TLCD2: variants seen among roughly 807,000 people sequenced by gnomAD.
The protein encoded by TLCD2 is TLC domain-containing protein 2.
TLCD2 carries 12 observed loss-of-function variants against 14.0 expected under a neutral mutation model. The ratio of observed to expected loss-of-function variants is 0.86; its 90% confidence interval spans 0.55 to 1.39. TLCD2 has a LOEUF of 1.39. TLCD2 is among the 40% of genes most tolerant of loss of function. The probability of loss-of-function intolerance (pLI) is 0.00; values close to 1 mark genes in which losing one functional copy is unlikely to be tolerated. For synonymous variants in TLCD2, 166 were observed against 156.5 expected, an observed-to-expected ratio of 1.06 and a Z score of -0.45; for missense variants, 360 against 346.8, an observed-to-expected ratio of 1.04 and a Z score of -0.30.
rs1026192488 is a variant in TLCD2 at position 1,709,730 on chromosome 17, T to G, written c.259+74A>C. The G allele has an allele frequency of 1.6e-4, 195 of 1,194,882 alleles. 1 individual carries two copies. Among genetic ancestry groups the G allele is most frequent in the Non-Finnish European group, 1.5e-4 (125 of 851,924 alleles). The allele number at this position is 1,194,882 out of a possible 1,614,324, so 74.0% of individuals were successfully genotyped here. A position where few individuals can be genotyped will look rare whatever the true frequency, so the allele number is the denominator to read the frequency against. ...GTTTAACCCCCATGGGGGCGGGGAATGGACCTGGAAGGACAGCAGAACCTG... is the reference window on the plus strand; with the variant it reads ...GTTTAACCCCCATGGGGGCGGGGAAGGGACCTGGAAGGACAGCAGAACCTG... On this transcript the variant is annotated intron_variant, in intron 2 of 3. Coordinates refer to ENST00000330676, the MANE Select transcript of TLCD2 (RefSeq NM_001164407.2).
Position 1,709,512 on chromosome 17 carries a change from C to G in TLCD2, c.329G>C (p.Cys110Ser). Residue 110 changes from cysteine to serine, a missense_variant, in exon 3 of 4, where the codon TGT becomes TCT. By Grantham distance (112) the Cys-to-Ser change is moderately radical. Transcript: ENST00000330676. ...QTLGKTWDLL[C>S]HHLVVVSCLS... ...TCAGAGTCTCACCACCAAATGATGACAGAGAAGATCCCAGGTCTTGCCCAA... is the reference window on the plus strand; with the variant it reads ...TCAGAGTCTCACCACCAAATGATGAGAGAGAAGATCCCAGGTCTTGCCCAA... The G allele has an allele frequency of 6.5e-7, 1 of 1,535,988 alleles. No homozygotes were observed. Among genetic ancestry groups the G allele is most frequent in the Non-Finnish European group, 8.7e-7 (1 of 1,146,410 alleles).
At chr17:1,708,290 G>T in intron 3 of TLCD2, 68 bp from the exon 4 acceptor site, 1 of 1,290,208 alleles carries the variant, frequency 7.8e-7, no homozygotes, top group South Asian at 1.5e-5. Context: ...AATAACCCAG[G>T]CCTGAAGAAA....
In TLCD2 at chr17:1,705,725, GTTTTGTTTTT is replaced by G. The variant is rs1339040534; in HGVS notation, c.*2035_*2044del. On this transcript the variant is annotated 3_prime_UTR_variant, in exon 4 of 4. Transcript: ENST00000330676. The stretch of plus-strand genomic sequence containing the variant: ...CGCTTCTTAGCAAGGTTTTTGTTTT[GTTTTGTTTTT>G]TTTTGAAGACAATCTTCCTGTCTCT... The G allele has an allele frequency of 6.6e-6, 1 of 152,000 alleles. No individual in the cohort carries two copies. 9.4% of individuals were successfully genotyped at this position (152,000 alleles called of 1,614,324 possible). A position where few individuals can be genotyped will look rare whatever the true frequency, so the allele number is the denominator to read the frequency against.
Position 1,710,339 on chromosome 17 carries a change from G to A in TLCD2, c.-97C>T. ...GGAACCCGTTTCCCGGCAGGGCTGG[G>A]GCCCCGGCTCCCCTCCCCGCCGCGC... is the stretch of plus-strand genomic sequence containing the variant. On this transcript the variant is annotated 5_prime_UTR_variant, in exon 1 of 4. Transcript: ENST00000330676. This position sits in a 1 kb window ranked among gnomAD's most constrained non-coding sequence, Gnocchi z 6.1. The A allele has an allele frequency of 8.8e-7, 1 of 1,142,048 alleles. No homozygotes were observed. Among genetic ancestry groups the A allele is most frequent in the Non-Finnish European group, 1.2e-6 (1 of 856,028 alleles). The allele number at this position is 1,142,048 out of a possible 1,614,324, so 70.7% of individuals were successfully genotyped here.
Position 1,704,829 on chromosome 17 carries a change from C to T in TLCD2, c.*2941G>A, listed in dbSNP as rs1437473377. The T allele has an allele frequency of 7.2e-6, 1 of 138,384 alleles. No homozygotes were observed. The highest frequency in any genetic ancestry group is 8.4e-5 in the Admixed American group (1 of 11,960). The allele number at this position is 138,384 out of a possible 1,614,324, so 8.6% of individuals were successfully genotyped here. A position where few individuals can be genotyped will look rare whatever the true frequency, so the allele number is the denominator to read the frequency against. Reference sequence around the variant, plus strand: ...CAAACGATTCTCCTGCCTCAGCCTCCTCAGTAGCCGGGATTACGGGCGCCT... The same window carrying T: ...CAAACGATTCTCCTGCCTCAGCCTCTTCAGTAGCCGGGATTACGGGCGCCT... On this transcript the variant is annotated 3_prime_UTR_variant, in exon 4 of 4. Coordinates refer to ENST00000330676, the MANE Select transcript of TLCD2 (RefSeq NM_001164407.2).
intron 3 of TLCD2, among the ~76,000 whole-genome samples, 157 bp from the exon 4 acceptor site, chr17:1,708,379 C>A (rs896434770): frequency 5.9e-5 from 9 of 152,014 alleles, no homozygotes; most frequent in African/African-American, 2.2e-4. Context: ...CCCTGAGCAG[C>A]CTTGAAACAA....
chr17:1,708,549 T>C (rs1478386715), intron 3 of TLCD2, among the ~76,000 whole-genome samples: 1 of 146,124 alleles, frequency 6.8e-6, no homozygotes, highest in Non-Finnish European at 1.5e-5. Context: ...TGCAGTGGTG[T>C]GATCTTGGCT....
In TLCD2 at chr17:1,706,599, C is replaced by G. The variant is rs190918749; in HGVS notation, c.*1171G>C. 6.6e-6 allele frequency: 1 copy of G among 150,778 alleles called. No individual in the cohort carries two copies. Among genetic ancestry groups the G allele is most frequent in the East Asian group, 2.0e-4 (1 of 5,086 alleles). 9.3% of individuals were successfully genotyped at this position (150,778 alleles called of 1,614,324 possible). A position where few individuals can be genotyped will look rare whatever the true frequency, so the allele number is the denominator to read the frequency against. ...TGGGCAACATGGCAAAACCTGGTCT[C>G]TACAAAAAAATACAAAAATTAGCCT... On this transcript the variant is annotated 3_prime_UTR_variant, in exon 4 of 4. Transcript: ENST00000330676.
At position 1,705,627 on chromosome 17, in the gene TLCD2, CCTT is replaced by C. The variant is rs1914007189; in HGVS notation, c.*2140_*2142del. On this transcript the variant is annotated 3_prime_UTR_variant, in exon 4 of 4. Transcript: ENST00000330676. ...CCTCTGTCACCTCTATGTGAATAAT[CCTT>C]CTCTCTTTCTATCTATCACTCAATC... The C allele has an allele frequency of 6.6e-6, 1 of 152,254 alleles. No individual in the cohort carries two copies. The highest frequency in any genetic ancestry group is 2.1e-4 in the South Asian group (1 of 4,830). 9.4% of individuals were successfully genotyped at this position (152,254 alleles called of 1,614,324 possible).
At position 1,709,590 on chromosome 17, in the gene TLCD2, A is replaced by T. The variant is rs983203391; in HGVS notation, c.260-9T>A. 9.1e-6 allele frequency: 14 copies of T among 1,536,836 alleles called. No individual in the cohort carries two copies. The highest frequency in any genetic ancestry group is 1.2e-5 in the Non-Finnish European group (14 of 1,146,756). ...GTCTGCCAGGAAGTAACCTGTGGGC[A>T]TGGGGGTAGGGGTTAGGCTGCTCCA... On this transcript the variant is annotated splice_polypyrimidine_tract_variant and intron_variant, in intron 2 of 3. Coordinates refer to ENST00000330676, the MANE Select transcript of TLCD2 (RefSeq NM_001164407.2).
At position 1,709,486 on chromosome 17, in the gene TLCD2, C is replaced by A. The variant is rs1457471091; in HGVS notation, c.342+13G>T. ...CCTCCCTTCCTGTCTGGCTTCTGCC[C>A]TCAGAGTCTCACCACCAAATGATGA... On this transcript the variant is annotated intron_variant, in intron 3 of 3. Coordinates refer to ENST00000330676, the MANE Select transcript of TLCD2 (RefSeq NM_001164407.2). 3 of 1,536,156 alleles carry A rather than the reference C, an allele frequency of 2.0e-6. No homozygotes were observed. The highest frequency in any genetic ancestry group is 1.2e-5 in the South Asian group (1 of 84,022).
intron 3 of TLCD2, among the ~76,000 whole-genome samples, chr17:1,709,136 C>G (rs1914134490): frequency 6.6e-6 from 1 of 152,092 alleles, no homozygotes; most frequent in South Asian, 2.1e-4. Context: ...TGCTTGTAAT[C>G]CCAGCACTTT....
At chr17:1,709,389 C>CAAA (rs781399159) in intron 3 of TLCD2, 110 bp downstream of exon 3, 343 of 298,568 alleles carry the variant, frequency 1.1e-3, no homozygotes, top group South Asian at 1.7e-3. Context: ...GACTCCGTCT[C>CAAA]AAAAAAAAAA....
rs577853090 is a variant in TLCD2 at position 1,704,725 on chromosome 17, C to T, written c.*3045G>A. 4 of 150,204 alleles carry T rather than the reference C, an allele frequency of 2.7e-5. No individual in the cohort carries two copies. The highest frequency in any genetic ancestry group is 2.1e-4 in the South Asian group (1 of 4,748). The allele number at this position is 150,204 out of a possible 1,614,324, so 9.3% of individuals were successfully genotyped here. On this transcript the variant is annotated 3_prime_UTR_variant, in exon 4 of 4. Coordinates refer to ENST00000330676, the MANE Select transcript of TLCD2 (RefSeq NM_001164407.2). ...GGATATTCAATTTTTTTTTTTGAGACGGAGTCTCACTCTGTCACCCCTGCT... is the reference window on the plus strand; with the variant it reads ...GGATATTCAATTTTTTTTTTTGAGATGGAGTCTCACTCTGTCACCCCTGCT...
Position 1,710,180 on chromosome 17 carries a change from C to T in TLCD2, c.63G>A (p.Trp21Ter), listed in dbSNP as rs1401781381. ...ASFLAFRGLHWGLRRLPTPES... is the reference protein window; with the variant it reads ...ASFLAFRGLH ...CCGGCGTGGGCAGCCGCCGCAACCC[C>T]CAGTGCAGCCCCCGGAACGCGAGGA... Residue 21 changes from tryptophan (W) to a stop codon, truncating the protein, a stop_gained, in exon 1 of 4, where the codon TGG (tryptophan) becomes TGA (stop). Coordinates refer to ENST00000330676, the MANE Select transcript of TLCD2 (RefSeq NM_001164407.2). LOFTEE classifies it high-confidence loss of function. This position sits in a 1 kb window ranked among gnomAD's most constrained non-coding sequence, Gnocchi z 6.1. 3 of 1,531,044 alleles carry T rather than the reference C, an allele frequency of 2.0e-6. No individual in the cohort carries two copies. The highest frequency in any genetic ancestry group is 2.6e-6 in the Non-Finnish European group (3 of 1,145,322). The allele number at this position is 1,531,044 out of a possible 1,614,324, so 94.8% of individuals were successfully genotyped here. A position where few individuals can be genotyped will look rare whatever the true frequency, so the allele number is the denominator to read the frequency against.
At position 1,709,588 on chromosome 17, in the gene TLCD2, G is replaced by A. The variant is rs1162803383; in HGVS notation, c.260-7C>T. On this transcript the variant is annotated splice_polypyrimidine_tract_variant and splice_region_variant and intron_variant, in intron 2 of 3. Coordinates refer to ENST00000330676, the MANE Select transcript of TLCD2 (RefSeq NM_001164407.2). ...CCGTCTGCCAGGAAGTAACCTGTGG[G>A]CATGGGGGTAGGGGTTAGGCTGCTC... 1 of 1,536,802 alleles carries A rather than the reference G, an allele frequency of 6.5e-7. No individual in the cohort carries two copies. The highest frequency in any genetic ancestry group is 8.7e-7 in the Non-Finnish European group (1 of 1,146,776).
rs1415795037 is a variant in TLCD2 at position 1,707,635 on chromosome 17, G to A, written c.*135C>T. Reference sequence around the variant, plus strand: ...TTAGATCCGAGGAAGGGGAAGGGATGTGAGTTAGCTGGAAGAGAAACTGAG... The same window carrying A: ...TTAGATCCGAGGAAGGGGAAGGGATATGAGTTAGCTGGAAGAGAAACTGAG... On this transcript the variant is annotated 3_prime_UTR_variant, in exon 4 of 4. Transcript: ENST00000330676. 2 of 692,098 alleles carry A rather than the reference G, an allele frequency of 2.9e-6. No homozygotes were observed. The highest frequency in any genetic ancestry group is 4.6e-6 in the Non-Finnish European group (2 of 438,960). The allele number at this position is 692,098 out of a possible 1,614,324, so 42.9% of individuals were successfully genotyped here.
rs1425630884 is a variant in TLCD2 at position 1,709,799 on chromosome 17, C to G, written c.259+5G>C. ...CCACCGGCCCAGCCTTCCCTGCAGACTCACCCACAGACACAGCCACCAGCA... is the reference window on the plus strand; with the variant it reads ...CCACCGGCCCAGCCTTCCCTGCAGAGTCACCCACAGACACAGCCACCAGCA... On this transcript the variant is annotated splice_donor_5th_base_variant and intron_variant, in intron 2 of 3. Transcript: ENST00000330676. 1 of 1,515,062 alleles carries G rather than the reference C, an allele frequency of 6.6e-7. No homozygotes were observed. The highest frequency in any genetic ancestry group is 1.4e-5 in the African/African-American group (1 of 72,602). 93.9% of individuals were successfully genotyped at this position (1,515,062 alleles called of 1,614,324 possible). A position where few individuals can be genotyped will look rare whatever the true frequency, so the allele number is the denominator to read the frequency against.
rs991595348 is a variant in TLCD2 at position 1,710,216 on chromosome 17, G to A, written c.27C>T (p.Ala9=). MAPTGLLV[A]GASFLAFRGL... ...CCCGGAACGCGAGGAAGGAGGCGCC[G>A]GCCACCAGGAGCCCCGTGGGCGCCA... The change falls in exon 1 of 4, where the codon GCC becomes GCT. Residue 9 remains alanine (A), a synonymous_variant. Transcript: ENST00000330676. This position sits in a 1 kb window ranked among gnomAD's most constrained non-coding sequence, Gnocchi z 6.1. 1 of 1,525,964 alleles carries A rather than the reference G, an allele frequency of 6.6e-7. No homozygotes were observed. The highest frequency in any genetic ancestry group is 8.7e-7 in the Non-Finnish European group (1 of 1,143,410). The allele number at this position is 1,525,964 out of a possible 1,614,324, so 94.5% of individuals were successfully genotyped here.
Sources: gnomAD v4.1 joint callset for allele counts (sites outside exome capture counted in the v4.1 genomes callset) on GRCh38, gnomAD v4.1.1 for gene constraint, Gnocchi (gnomAD v3.1) non-coding constraint, MANE v1.5 for transcripts, NCBI Gene and HGNC (gene_info 2026-07-23, HGNC 2026-07-21) for gene names.